CACHD1: variants seen among roughly 807,000 people sequenced by gnomAD.
CACHD1 encodes cache domain containing 1.
In CACHD1, 71 loss-of-function variants were observed where a neutral mutation model predicts 138.7. The ratio of observed to expected loss-of-function variants is 0.51; its 90% CI spans 0.42 to 0.62. The LOEUF (loss-of-function observed/expected upper bound fraction) is 0.62, where lower values mean the gene tolerates loss of function less well. CACHD1 is among the 20% of genes least tolerant of loss of function. The probability of loss-of-function intolerance (pLI) is 0.00; values close to 1 mark genes in which losing one functional copy is unlikely to be tolerated. For synonymous variants in CACHD1, 578 were observed against 591.5 expected, an observed-to-expected ratio of 0.98 and a Z score of 0.33; for missense variants, 1,389 against 1,625.3, an observed-to-expected ratio of 0.85 and a Z score of 2.50.
intron 2 of CACHD1, among the ~76,000 whole-genome samples, chr1:64,578,323 G>T (rs1646985351): frequency 6.6e-6 from 1 of 152,106 alleles, no homozygotes; most frequent in South Asian, 2.1e-4. Flanking sequence ...ATTTTCTGAA[G>T]AACCCTGAAA....
chr1:64,494,784 A>G (rs1357556865), intron 1 of CACHD1, among the ~76,000 whole-genome samples: 4 of 152,202 alleles, frequency 2.6e-5, no homozygotes, highest in African/African-American at 4.8e-5. Flanking sequence ...TGTGCCAGGC[A>G]TTATGCTAAG....
intron 1 of CACHD1, among the ~76,000 whole-genome samples, chr1:64,497,884 G>A (rs1646314400): frequency 1.3e-5 from 2 of 152,128 alleles, no homozygotes; most frequent in South Asian, 4.2e-4. Flanking sequence ...CCAGCACTTT[G>A]GGAGGCCAAG....
chr1:64,500,702 C>T (rs1646332954), intron 1 of CACHD1, among the ~76,000 whole-genome samples: 1 of 121,460 alleles, frequency 8.2e-6, no homozygotes, highest in Admixed American at 9.6e-5. Context: ...GGCAACGTAG[C>T]AAGACCTTGT....
chr1:64,522,665 A>C (rs913305522), intron 1 of CACHD1, among the ~76,000 whole-genome samples: 2 of 152,154 alleles, frequency 1.3e-5, no homozygotes, highest in Non-Finnish European at 2.9e-5. Context: ...TGAAGGATAC[A>C]GGGAAACTCA....
chr1:64,482,246 G>A (rs906562820), intron 1 of CACHD1, among the ~76,000 whole-genome samples: 1 of 152,066 alleles, frequency 6.6e-6, no homozygotes, highest in Non-Finnish European at 1.5e-5. Flanking sequence ...AAACTTCATG[G>A]GATTTTTTTT....
At chr1:64,643,632 C>T (rs578021501) in intron 8 of CACHD1, among the ~76,000 whole-genome samples, 105 of 152,232 alleles carry the variant, frequency 6.9e-4, no homozygotes, top group Non-Finnish European at 9.7e-4. Context: ...GTCAGGAGAT[C>T]AAGACCATCC....
Position 64,671,602 on chromosome 1 carries a change from G to A in CACHD1, c.2426G>A (p.Gly809Asp). ...LSSGHTVAVMGIDFTLRYFYK... is the reference protein window; with the variant it reads ...LSSGHTVAVMDIDFTLRYFYK... ...TCTGGGCACACTGTGGCTGTGATGGGCATTGACTTCACACTCAGATACTTC... is the reference window on the plus strand; with the variant it reads ...TCTGGGCACACTGTGGCTGTGATGGACATTGACTTCACACTCAGATACTTC... The change falls in exon 17 of 27, where the codon GGC becomes GAC. Residue 809 changes from glycine (G) to aspartate (D), a missense_variant. Transcript: ENST00000651257. The A allele has an allele frequency of 3.1e-6, 5 of 1,613,754 alleles. No individual in the cohort carries two copies. Among genetic ancestry groups the A allele is most frequent in the Non-Finnish European group, 4.2e-6 (5 of 1,179,738 alleles).
chr1:64,661,809 A>T (rs1649452253), intron 13 of CACHD1, among the ~76,000 whole-genome samples: 1 of 152,218 alleles, frequency 6.6e-6, no homozygotes, highest in African/African-American at 2.4e-5. Context: ...GCCAATGAAG[A>T]TATCATCAGA....
rs1646132666 is a variant in CACHD1 at position 64,470,164 on chromosome 1, T to C, written c.-581T>C. On this transcript the variant is annotated 5_prime_UTR_variant, in exon 1 of 27. Transcript: ENST00000651257. This position sits in a 1 kb window ranked among gnomAD's most constrained non-coding sequence, Gnocchi z 5.2. ...TGCACAGAGCCGGAGCGCAGCGTGGTGGCACCAGACGCCTCCCTTTCCCCA... is the reference window on the plus strand; with the variant it reads ...TGCACAGAGCCGGAGCGCAGCGTGGCGGCACCAGACGCCTCCCTTTCCCCA... 6.6e-6 allele frequency among the ~76,000 whole-genome samples: 1 copy of C among 152,084 alleles called. No homozygotes were observed. Among genetic ancestry groups the C allele is most frequent in the African/African-American group, 2.4e-5 (1 of 41,516 alleles).
chr1:64,675,348 G>A, intron 19 of CACHD1, 53 bp from the exon 20 acceptor site: 2 of 1,437,150 alleles, frequency 1.4e-6, no homozygotes, highest in South Asian at 2.9e-5. Flanking sequence ...CCAAGGTAGG[G>A]CTGAGTCTTT....
intron 4 of CACHD1, among the ~76,000 whole-genome samples, chr1:64,611,579 T>C (rs756214685): frequency 3.8e-4 from 58 of 152,226 alleles, no homozygotes; most frequent in Non-Finnish European, 6.8e-4. Flanking sequence ...GTCTCTTTGC[T>C]AAAGCATAGC....
At position 64,692,753 on chromosome 1, in the gene CACHD1, A is replaced by C. The variant is rs1347625621; in HGVS notation, c.*1192A>C. The C allele has an allele frequency of 6.6e-6, 1 of 152,262 alleles. No homozygotes were observed. The highest frequency in any genetic ancestry group is 1.5e-5 in the Non-Finnish European group (1 of 68,040). 9.4% of individuals were successfully genotyped at this position (152,262 alleles called of 1,614,324 possible). A position where few individuals can be genotyped will look rare whatever the true frequency, so the allele number is the denominator to read the frequency against. Reference sequence around the variant, plus strand: ...AAATCTGGCTACTATAACATGGGGCATTGTAACTTTAAAGTAGTGTTTTAA... The same window carrying C: ...AAATCTGGCTACTATAACATGGGGCCTTGTAACTTTAAAGTAGTGTTTTAA... On this transcript the variant is annotated 3_prime_UTR_variant, in exon 27 of 27. Coordinates refer to ENST00000651257, the MANE Select transcript of CACHD1 (RefSeq NM_020925.4).
At chr1:64,522,324 T>C (rs1463331157) in intron 1 of CACHD1, among the ~76,000 whole-genome samples, 2 of 152,128 alleles carry the variant, frequency 1.3e-5, no homozygotes, top group African/African-American at 4.8e-5. Context: ...TTTTTGTTTT[T>C]TTGAGATGAA....
At chr1:64,624,775 TGAG>T (rs1187635164) in intron 4 of CACHD1, among the ~76,000 whole-genome samples, 1 of 152,168 alleles carries the variant, frequency 6.6e-6, no homozygotes, top group Non-Finnish European at 1.5e-5. Flanking sequence ...AGGACTTTTG[TGAG>T]GATAAAACGT....
chr1:64,470,811 C>T lies in CACHD1; in HGVS notation c.67C>T (p.Leu23Phe), dbSNP rs764938792. The T allele has an allele frequency of 3.3e-5, 47 of 1,432,500 alleles. No individual in the cohort carries two copies. The East Asian group carries it at 1.1e-3, about 33-fold the overall frequency. 88.7% of individuals were successfully genotyped at this position (1,432,500 alleles called of 1,614,324 possible). ...ARARRPPLWL[L>F]CLVACWLLGA... is the part of the protein sequence containing the mutation. ...GGCGCGGCGGCCGCCCCTCTGGCTG[C>T]TCTGCCTGGTCGCGTGCTGGCTCCT... is the stretch of plus-strand genomic sequence containing the variant. Residue 23 changes from leucine to phenylalanine, a missense_variant, in exon 1 of 27, where the codon CTC (leucine) becomes TTC (phenylalanine). Coordinates refer to ENST00000651257, the MANE Select transcript of CACHD1 (RefSeq NM_020925.4). The surrounding 1 kb of genome is among the most constrained non-coding windows in gnomAD (Gnocchi z 5.2).
chr1:64,650,275 G>A (rs1649045686), intron 9 of CACHD1, among the ~76,000 whole-genome samples: 1 of 152,140 alleles, frequency 6.6e-6, no homozygotes, highest in African/African-American at 2.4e-5. Context: ...CAGTCACAGA[G>A]TATTTCTGTT....
chr1:64,627,273 G>A (rs752119451), intron 4 of CACHD1, among the ~76,000 whole-genome samples: 3 of 152,164 alleles, frequency 2.0e-5, no homozygotes, highest in South Asian at 2.1e-4. Flanking sequence ...TGAGTGTGGC[G>A]GTGCCCACCT....
chr1:64,481,033 A>G (rs1413332300), intron 1 of CACHD1, among the ~76,000 whole-genome samples: 2 of 152,072 alleles, frequency 1.3e-5, no homozygotes. Context: ...AGCTTTCTCT[A>G]CTTCAGATTT....
At position 64,476,515 on chromosome 1, in the gene CACHD1, A is replaced by G. The variant is rs547423372; in HGVS notation, c.198+5573A>G. Among the ~76,000 whole-genome samples, 13 of 152,358 alleles carry G rather than the reference A, an allele frequency of 8.5e-5. No homozygotes were observed. In the South Asian group the frequency reaches 1.4e-3, roughly 17 times the overall value. On this transcript the variant is annotated intron_variant, in intron 1 of 26. Coordinates refer to ENST00000651257, the MANE Select transcript of CACHD1 (RefSeq NM_020925.4). ...TATGCAAATAATGTGATTTGATTCT[A>G]CGCCTTGTGTACCATATAAGCCTTA...
Sources: allele counts gnomAD v4.1 joint callset (sites outside exome capture counted in the v4.1 genomes callset), GRCh38; gene constraint gnomAD v4.1.1; non-coding constraint Gnocchi (gnomAD v3.1); transcripts MANE v1.5; gene names NCBI Gene and HGNC (gene_info 2026-07-23, HGNC 2026-07-21).